The following BRAP variants were observed in gnomAD, a reference collection of about 807,000 sequenced individuals.
The protein encoded by BRAP is BRCA1-associated protein.
In BRAP, 42 loss-of-function variants were observed where a neutral mutation model predicts 73.4. The observed-to-expected ratio is 0.57, with a 90% confidence interval of 0.45 to 0.74. The LOEUF (loss-of-function observed/expected upper bound fraction) is 0.74. Among genes scored for constraint, BRAP ranks in the 30% least tolerant of loss-of-function variants. The probability of loss-of-function intolerance (pLI) is 0.00; values close to 1 mark genes in which losing one functional copy is unlikely to be tolerated. For synonymous variants in BRAP, 255 were observed against 267.4 expected, an observed-to-expected ratio of 0.95 and a Z score of 0.45; for missense variants, 593 against 751.4, an observed-to-expected ratio of 0.79 and a Z score of 2.46.
chr12:111,681,516 A>T, intron 3 of BRAP, 121 bp downstream of exon 3: 1 of 749,288 alleles, frequency 1.3e-6, no homozygotes, highest in Non-Finnish European at 2.1e-6. Context: ...AACAGACAAA[A>T]GTATTATTAT....
rs1885985579 is a variant in BRAP, at chr12:111,643,693, G to C, written c.*506C>G. On this transcript the variant is annotated 3_prime_UTR_variant, in exon 12 of 12. Coordinates refer to ENST00000419234, the MANE Select transcript of BRAP (RefSeq NM_006768.5). ...TTCTTCCACTCCCCAGAGGAAGGGG[G>C]AGATGATAATGATATGACACTATTG... 6.5e-6 allele frequency: 1 copy of C among 152,912 alleles called. No homozygotes were observed. Among genetic ancestry groups the C allele is most frequent in the African/African-American group, 2.4e-5 (1 of 41,444 alleles). 9.5% of individuals were successfully genotyped at this position (152,912 alleles called of 1,614,324 possible).
intron 6 of BRAP, among the ~76,000 whole-genome samples, chr12:111,662,566 A>G (rs750072944): frequency 7.2e-5 from 11 of 152,174 alleles, no homozygotes; most frequent in East Asian, 1.9e-4. Context: ...AAAAGCTATA[A>G]CTAGTAACAG....
chr12:111,661,164 G>A (rs1459868147), intron 6 of BRAP, among the ~76,000 whole-genome samples: 3 of 150,810 alleles, frequency 2.0e-5, no homozygotes, highest in African/African-American at 7.3e-5. Context: ...ATTTTTGGTA[G>A]AGACGGGGCT....
chr12:111,667,716 A>AAAAAAAAAAAAAAAAAAAAT (rs1887005585), intron 5 of BRAP, among the ~76,000 whole-genome samples: 1 of 147,250 alleles, frequency 6.8e-6, no homozygotes, highest in Non-Finnish European at 1.5e-5. Flanking sequence ...AAAAAAAAAA[A>AAAAAAAAAAAAAAAAAAAAT]AAAAAGCTCA....
chr12:111,677,526 A>G (rs1592995974), intron 4 of BRAP, among the ~76,000 whole-genome samples: 1 of 152,224 alleles, frequency 6.6e-6, no homozygotes, highest in Admixed American at 6.5e-5. Context: ...TAAAACAAAG[A>G]TAACAACACA....
intron 5 of BRAP, chr12:111,670,280 T>G (rs1228133241): frequency 1.4e-5 from 8 of 583,114 alleles, no homozygotes; most frequent in Non-Finnish European, 2.7e-5. Context: ...AGAAACAGTT[T>G]TAGTTTTCAC....
intron 9 of BRAP, among the ~76,000 whole-genome samples, chr12:111,657,216 G>T (rs1206621792): frequency 6.6e-6 from 1 of 152,020 alleles, no homozygotes; most frequent in East Asian, 1.9e-4. Context: ...ACTAATTTTT[G>T]TATTTTTAGT....
intron 4 of BRAP, among the ~76,000 whole-genome samples, chr12:111,676,419 C>A (rs1168845683): frequency 2.0e-5 from 3 of 151,400 alleles, no homozygotes. Context: ...AAATACATGG[C>A]ATTTTTTTTT....
chr12:111,683,033 GA>G lies in BRAP; in HGVS notation c.244+112del, dbSNP rs1887663595. ...GTGTCATATAAAGCACACACGTAGTGAAAGACAAAAGTATGCTAGATGTTGA... is the reference window on the plus strand; with the variant it reads ...GTGTCATATAAAGCACACACGTAGTGAAGACAAAAGTATGCTAGATGTTGA... On this transcript the variant is annotated intron_variant, in intron 2 of 11. Transcript: ENST00000419234. 2.4e-6 allele frequency: 3 copies of G among 1,228,372 alleles called. No individual in the cohort carries two copies. In the African/African-American group the frequency reaches 4.6e-5, roughly 19 times the overall value. 76.1% of individuals were successfully genotyped at this position (1,228,372 alleles called of 1,614,324 possible). A position where few individuals can be genotyped will look rare whatever the true frequency, so the allele number is the denominator to read the frequency against.
chr12:111,661,279 GTTT>G (rs144136043), intron 6 of BRAP, among the ~76,000 whole-genome samples: 1 of 118,988 alleles, frequency 8.4e-6, no homozygotes, highest in African/African-American at 3.1e-5. Flanking sequence ...CTCCCAGCTT[GTTT>G]TTTTTTTTTT....
At chr12:111,670,257 C>G (rs1180562167) in intron 5 of BRAP, 3 of 594,886 alleles carry the variant, frequency 5.0e-6, no homozygotes, top group Non-Finnish European at 9.9e-6. Context: ...GAACTTTCCC[C>G]TCCATTACTG....
At chr12:111,653,722 C>T (rs1201764457) in intron 10 of BRAP, among the ~76,000 whole-genome samples, 3 of 152,140 alleles carry the variant, frequency 2.0e-5, no homozygotes, top group Admixed American at 1.3e-4. Flanking sequence ...CTGTTTCTCC[C>T]TGAACATGTT....
At chr12:111,645,376 A>G (rs1886073174) in intron 11 of BRAP, among the ~76,000 whole-genome samples, 1 of 152,144 alleles carries the variant, frequency 6.6e-6, no homozygotes, top group Admixed American at 6.6e-5. Context: ...CCACAAATGT[A>G]CTTTTAAGAC....
chr12:111,670,192 TG>T (rs1286785841), intron 5 of BRAP: 1 of 612,014 alleles, frequency 1.6e-6, no homozygotes, highest in Non-Finnish European at 3.2e-6. Context: ...CTGTAGGCTT[TG>T]TTGGGAGGTC....
intron 1 of BRAP, 39 bp from the exon 2 acceptor site, chr12:111,683,346 C>A: frequency 6.4e-7 from 1 of 1,563,510 alleles, no homozygotes; most frequent in Non-Finnish European, 8.7e-7. Flanking sequence ...GGTAATAAAA[C>A]AAGCTCCTCT....
Position 111,681,602 on chromosome 12 carries a change from ATTGACTAACCCCCAAG to A in BRAP, c.443+19_443+34del. On this transcript the variant is annotated intron_variant, in intron 3 of 11. Coordinates refer to ENST00000419234, the MANE Select transcript of BRAP (RefSeq NM_006768.5). Reference sequence around the variant, plus strand: ...GCAAAGCAAAAAAAAAAAAAAAAAAATTGACTAACCCCCAAGAAAAGAGGGTTTTCTTACTTTGTCT... The same window carrying A: ...GCAAAGCAAAAAAAAAAAAAAAAAAAAAAAGAGGGTTTTCTTACTTTGTCT... The A allele has an allele frequency of 6.8e-7, 1 of 1,476,280 alleles. No homozygotes were observed. Among genetic ancestry groups the A allele is most frequent in the Non-Finnish European group, 9.2e-7 (1 of 1,090,806 alleles). The allele number at this position is 1,476,280 out of a possible 1,614,324, so 91.4% of individuals were successfully genotyped here. A position where few individuals can be genotyped will look rare whatever the true frequency, so the allele number is the denominator to read the frequency against.
chr12:111,675,876 A>T (rs1411191526), intron 4 of BRAP, among the ~76,000 whole-genome samples: 1 of 151,904 alleles, frequency 6.6e-6, no homozygotes, highest in African/African-American at 2.4e-5. Context: ...AAGCCAACAT[A>T]CTCTATTAAG....
At chr12:111,685,582 G>A (rs1887790435) in intron 1 of BRAP, 129 bp downstream of exon 1, 6 of 1,376,894 alleles carry the variant, frequency 4.4e-6, no homozygotes, top group Non-Finnish European at 5.6e-6. Flanking sequence ...GAGGGATCCC[G>A]ATTACCTCTC....
At position 111,663,216 on chromosome 12, in the gene BRAP, G is replaced by A. The variant is rs548403728; in HGVS notation, c.896+2423C>T. ...CGCCCATAATCCCAGCACTCTGGGA[G>A]GCTGAGGTGAGTGGATCACCTGAGG... On this transcript the variant is annotated intron_variant, in intron 6 of 11. Coordinates refer to ENST00000419234, the MANE Select transcript of BRAP (RefSeq NM_006768.5). 2.5e-3 allele frequency among the ~76,000 whole-genome samples: 386 copies of A among 152,278 alleles called. 4 individuals are homozygous for A. Among genetic ancestry groups the A allele is most frequent in the African/African-American group, 8.8e-3 (364 of 41,558 alleles).
Sources: gnomAD v4.1 joint callset for allele counts (sites outside exome capture counted in the v4.1 genomes callset) on GRCh38, gnomAD v4.1.1 for gene constraint, MANE v1.5 for transcripts, NCBI Gene and HGNC (gene_info 2026-07-23, HGNC 2026-07-21) for gene names.